Variants in ZNF337 observed in about 807,000 individuals in gnomAD.
The protein encoded by ZNF337 is zinc finger protein 337.
Under a neutral mutation model 12.1 loss-of-function variants are expected in ZNF337, and 8 were observed. That is an observed-to-expected ratio of 0.66 (90% CI 0.39 to 1.19). The LOEUF (loss-of-function observed/expected upper bound fraction) is 1.19. Among genes scored for constraint, ZNF337 ranks in the 50% most tolerant of loss-of-function variants. ZNF337 has a pLI of 0.01. For missense variants in ZNF337, 882 were observed against 896.6 expected, an observed-to-expected ratio of 0.98 and a Z score of 0.21; for synonymous variants, 336 against 320.0, an observed-to-expected ratio of 1.05 and a Z score of -0.53.
In ZNF337 at chr20:25,676,369, A is replaced by G; in HGVS notation, c.919T>C (p.Tyr307His). The change falls in exon 5 of 5, where the codon TAC becomes CAC. Residue 307 changes from tyrosine to histidine, a missense_variant. Tyr to His is a moderately conservative substitution (Grantham distance 83, BLOSUM62 2). Transcript: ENST00000252979. ...CGRRFNDKSS[Y>H]NKHLKAHSGE... ...GAATGCGCCTTCAAGTGCTTGTTGT[A>G]TGAGGACTTATCGTTAAACCTTCGC... 1.9e-6 allele frequency: 3 copies of G among 1,613,986 alleles called. No individual in the cohort carries two copies. The highest frequency in any genetic ancestry group is 2.5e-6 in the Non-Finnish European group (3 of 1,180,002).
At chr20:25,691,531 A>G (rs1181035196) in intron 1 of ZNF337, among the ~76,000 whole-genome samples, 1 of 152,210 alleles carries the variant, frequency 6.6e-6, no homozygotes, top group East Asian at 1.9e-4. Flanking sequence ...CAGGACTGGC[A>G]GGGGGAGAGA....
At chr20:25,681,614 C>T (rs947848086) in intron 4 of ZNF337, among the ~76,000 whole-genome samples, 2 of 151,946 alleles carry the variant, frequency 1.3e-5, no homozygotes, top group African/African-American at 2.4e-5. Context: ...GAACAAAATC[C>T]GAATAGTGAT....
rs1283181796 is a variant in ZNF337 at position 25,673,809 on chromosome 20, G to T, written c.*1223C>A. 1.3e-5 allele frequency: 2 copies of T among 152,062 alleles called. No individual in the cohort carries two copies. The highest frequency in any genetic ancestry group is 2.9e-5 in the Non-Finnish European group (2 of 68,002). The allele number at this position is 152,062 out of a possible 1,614,324, so 9.4% of individuals were successfully genotyped here. A position where few individuals can be genotyped will look rare whatever the true frequency, so the allele number is the denominator to read the frequency against. ...ATTTCTCAAGGTCCTTCTGCAGGTG[G>T]TAATGCAGATCGGCGATAATCAGTC... On this transcript the variant is annotated 3_prime_UTR_variant, in exon 5 of 5. Coordinates refer to ENST00000252979, the MANE Select transcript of ZNF337 (RefSeq NM_015655.4).
At position 25,692,108 on chromosome 20, in the gene ZNF337, T is replaced by C. The variant is rs1569017096; in HGVS notation, c.-50+4651A>G. On this transcript the variant is annotated intron_variant, in intron 1 of 4. Coordinates refer to ENST00000252979, the MANE Select transcript of ZNF337 (RefSeq NM_015655.4). ...GGGAAGTTTGCCAAGGTAGGGAAAC[T>C]TCCTTTACCTAGATCACAACGAGAG... Among the ~76,000 whole-genome samples, 3 of 152,278 alleles carry C rather than the reference T, an allele frequency of 2.0e-5. No homozygotes were observed. The East Asian group carries it at 5.8e-4, about 29-fold the overall frequency.
rs771134567 is a variant in ZNF337 at position 25,685,806 on chromosome 20, A to C, written c.155-144T>G. On this transcript the variant is annotated intron_variant, in intron 3 of 4. Coordinates refer to ENST00000252979, the MANE Select transcript of ZNF337 (RefSeq NM_015655.4). The stretch of plus-strand genomic sequence containing the variant: ...CCTGTCTACCATGCTCAGAGTACAA[A>C]CCCCCAGGGGGAGCCCCAGTGTGGG... The C allele has an allele frequency of 2.2e-4, 255 of 1,156,212 alleles. 1 individual carries two copies. Among genetic ancestry groups the C allele is most frequent in the Middle Eastern group, 6.5e-4 (3 of 4,648 alleles). 71.6% of individuals were successfully genotyped at this position (1,156,212 alleles called of 1,614,324 possible). A position where few individuals can be genotyped will look rare whatever the true frequency, so the allele number is the denominator to read the frequency against.
At position 25,673,336 on chromosome 20, in the gene ZNF337, G is replaced by C. The variant is rs1458100425; in HGVS notation, c.*1696C>G. Among the ~76,000 whole-genome samples, 1 of 152,180 alleles carries C rather than the reference G, an allele frequency of 6.6e-6. No homozygotes were observed. The highest frequency in any genetic ancestry group is 6.5e-5 in the Admixed American group (1 of 15,276). On this transcript the variant is annotated 3_prime_UTR_variant, in exon 5 of 5. Transcript: ENST00000252979. ...ACAAATACCATTTACAAAAGGATAG[G>C]CATATTGCATGTATCTTCCCTGTGC...
intron 1 of ZNF337, among the ~76,000 whole-genome samples, chr20:25,693,477 T>TGACTATAAA (rs1442322853): frequency 1.3e-5 from 2 of 152,148 alleles, no homozygotes; most frequent in African/African-American, 2.4e-5. Flanking sequence ...AATAGGGCAA[T>TGACTATAAA]GACTATAAAG....
At position 25,695,058 on chromosome 20, in the gene ZNF337, G is replaced by A. The variant is rs533570115; in HGVS notation, c.-50+1701C>T. On this transcript the variant is annotated intron_variant, in intron 1 of 4. Coordinates refer to ENST00000252979, the MANE Select transcript of ZNF337 (RefSeq NM_015655.4). Reference sequence around the variant, plus strand: ...GGTAGAGGTGGGTGGATCACCTGAGGTCAGGAAGTCAAGACCAGCCTCAGC... The same window carrying A: ...GGTAGAGGTGGGTGGATCACCTGAGATCAGGAAGTCAAGACCAGCCTCAGC... Among the ~76,000 whole-genome samples the A allele has an allele frequency of 2.9e-4, 44 of 152,262 alleles. 1 individual carries two copies. Among genetic ancestry groups the A allele is most frequent in the African/African-American group, 1.0e-3 (42 of 41,558 alleles).
At position 25,686,398 on chromosome 20, in the gene ZNF337, C is replaced by T; in HGVS notation, c.20G>A (p.Arg7Lys). 6.2e-7 allele frequency: 1 copy of T among 1,614,092 alleles called. No homozygotes were observed. Among genetic ancestry groups the T allele is most frequent in the African/African-American group, 1.3e-5 (1 of 75,068 alleles). MGPQGA[R>K]RQAFLAFGDV... The stretch of plus-strand genomic sequence containing the variant: ...AGTTCTGGGAAGTCTCACCTGTCTC[C>T]TGGCTCCCTGAGGTCCCATGACTGT... The change falls in exon 2 of 5, where the codon AGG (arginine) becomes AAG (lysine). Residue 7 changes from arginine to lysine, a missense_variant. Transcript: ENST00000252979.
rs771037581 is a variant in ZNF337, at chr20:25,676,129, C to A, written c.1159G>T (p.Val387Leu). Residue 387 changes from valine (V) to leucine (L), a missense_variant, in exon 5 of 5, where the codon GTG (valine) becomes TTG (leucine). By Grantham distance (32) the Val-to-Leu change is conservative. Transcript: ENST00000252979. ...TGGTGTCTGAGGAGACTTCCTTTCACGCTAAAACTTTGCTTACACTGCCTG... is the reference window on the plus strand; with the variant it reads ...TGGTGTCTGAGGAGACTTCCTTTCAAGCTAAAACTTTGCTTACACTGCCTG... ...ACRQCKQSFSVKGSLLRHQRT... is the reference protein window; with the variant it reads ...ACRQCKQSFSLKGSLLRHQRT... 5 of 1,610,510 alleles carry A rather than the reference C, an allele frequency of 3.1e-6. No individual in the cohort carries two copies. In the South Asian group the frequency reaches 5.5e-5, roughly 18 times the overall value.
intron 1 of ZNF337, among the ~76,000 whole-genome samples, chr20:25,695,273 A>G (rs1291825457): frequency 7.0e-6 from 1 of 143,576 alleles, no homozygotes; most frequent in Non-Finnish European, 1.5e-5. Flanking sequence ...TCTCTCTAAA[A>G]ACAAAAACAA....
chr20:25,692,667 C>CA (rs1277662920), intron 1 of ZNF337, among the ~76,000 whole-genome samples: 1 of 152,078 alleles, frequency 6.6e-6, no homozygotes. Context: ...GAGAACACTG[C>CA]AAACTGTTTG....
In ZNF337 at chr20:25,676,772, T is replaced by C. The variant is rs781402401; in HGVS notation, c.516A>G (p.Ile172Met). 3 of 1,614,266 alleles carry C rather than the reference T, an allele frequency of 1.9e-6. No homozygotes were observed. The East Asian group carries it at 6.7e-5, about 36-fold the overall frequency. ...TGAATGCTCCCCATCTTGAATTTTC[T>C]ATTCCTTTCAATACTTTGTCTATTT... ...PTEIDKVLKG[I>M]ENSRWGAFKC... Residue 172 changes from isoleucine to methionine, a missense_variant, in exon 5 of 5, where the codon ATA becomes ATG. Transcript: ENST00000252979.
chr20:25,677,303 G>A (rs2065712046), intron 4 of ZNF337: 1 of 349,510 alleles, frequency 2.9e-6, no homozygotes, highest in Non-Finnish European at 5.2e-6. Flanking sequence ...TATCCCTGAT[G>A]ATGCTAAATG....
intron 1 of ZNF337, among the ~76,000 whole-genome samples, chr20:25,693,225 A>G (rs2065895534): frequency 6.6e-6 from 1 of 152,156 alleles, no homozygotes; most frequent in Non-Finnish European, 1.5e-5. Flanking sequence ...TACAGGCGTG[A>G]GCCACCATGC....
Position 25,676,087 on chromosome 20 carries a change from C to T in ZNF337, c.1201G>A (p.Glu401Lys), listed in dbSNP as rs1205260492. Residue 401 changes from glutamate (E) to lysine (K), a missense_variant, in exon 5 of 5, where the codon GAG becomes AAG. By Grantham distance (56) the Glu-to-Lys change is moderately conservative. Transcript: ENST00000252979. ...LLRHQRTHSG[E>K]KPFVCKDCER... The stretch of plus-strand genomic sequence containing the variant: ...CAATCCTTGCACACAAAAGGCTTCT[C>T]CCCTGAGTGTGTTCTCTGGTGTCTG... 1 of 1,614,048 alleles carries T rather than the reference C, an allele frequency of 6.2e-7. No homozygotes were observed. Among genetic ancestry groups the T allele is most frequent in the Non-Finnish European group, 8.5e-7 (1 of 1,180,032 alleles).
chr20:25,686,277 C>T (rs1187319091), intron 2 of ZNF337, 114 bp downstream of exon 2: 5 of 1,469,198 alleles, frequency 3.4e-6, no homozygotes, highest in Non-Finnish European at 4.7e-6. Flanking sequence ...AGACAGATCA[C>T]TCCCCAGGAG....
rs1305173695 is a variant in ZNF337 at position 25,677,054 on chromosome 20, CAAT to C, written c.251-20_251-18del. 3 of 1,556,052 alleles carry C rather than the reference CAAT, an allele frequency of 1.9e-6. No individual in the cohort carries two copies. Among genetic ancestry groups the C allele is most frequent in the Non-Finnish European group, 2.6e-6 (3 of 1,153,728 alleles). ...CATATATTCCTGGAGAATAGACCAA[CAAT>C]GAGACTGAATCAGTAACGAAAAGTC... On this transcript the variant is annotated intron_variant, in intron 4 of 4. Transcript: ENST00000252979.
chr20:25,690,090 A>G (rs936805689), intron 1 of ZNF337, among the ~76,000 whole-genome samples: 45 of 152,072 alleles, frequency 3.0e-4, no homozygotes, highest in Admixed American at 3.0e-3. Context: ...GTTCGGGACC[A>G]GTTTGGGCAA....
Sources: gnomAD v4.1 joint callset for allele counts (sites outside exome capture counted in the v4.1 genomes callset) on GRCh38, gnomAD v4.1.1 for gene constraint, MANE v1.5 for transcripts, NCBI Gene and HGNC (gene_info 2026-07-23, HGNC 2026-07-21) for gene names.